The following LHX9 variants were observed in gnomAD, a reference collection of about 807,000 sequenced individuals.
LHX9 encodes the protein LIM homeobox 9.
A neutral mutation model predicts 36.5 loss-of-function variants in LHX9; 9 were observed. The observed-to-expected ratio is 0.25, with a 90% CI of 0.15 to 0.43. The LOEUF (loss-of-function observed/expected upper bound fraction) is 0.43. LHX9 is among the 20% of genes least tolerant of loss of function. LHX9 has a pLI of 1.00. For synonymous variants in LHX9, 211 were observed against 212.1 expected (o/e 0.99, Z 0.04); for missense variants, 464 against 526.4 (o/e 0.88, Z 1.16).
intron 3 of LHX9, 34 bp from the exon 4 acceptor site, chr1:197,927,557 C>T (rs1340029597): frequency 6.4e-7 from 1 of 1,571,994 alleles, no homozygotes. Context: ...AGAATTTCCA[C>T]TGAGCAGTTG....
upstream of LHX9, chr1:197,912,743 G>A: frequency 2.9e-6 from 2 of 696,616 alleles, no homozygotes; most frequent in Admixed American, 2.2e-5. Flanking sequence ...AGAGTCTCCT[G>A]ATAGGACTCC....
At chr1:197,918,265 G>T (rs1460904392) in intron 1 of LHX9, 4 of 716,994 alleles carry the variant, frequency 5.6e-6, no homozygotes, top group African/African-American at 5.2e-5. Context: ...GGGATGGGGG[G>T]TGGTGGCATT....
rs1169853177 is a variant in LHX9 at position 197,932,841 on chromosome 1, A to T, written c.*3582A>T. 1 of 152,210 alleles carries T rather than the reference A, an allele frequency of 6.6e-6. No homozygotes were observed. Among genetic ancestry groups the T allele is most frequent in the East Asian group, 1.9e-4 (1 of 5,190 alleles). 9.4% of individuals were successfully genotyped at this position (152,210 alleles called of 1,614,324 possible). A position where few individuals can be genotyped will look rare whatever the true frequency, so the allele number is the denominator to read the frequency against. On this transcript the variant is annotated 3_prime_UTR_variant, in exon 5 of 5. Transcript: ENST00000367387. ...GTGAACCCAAATTACAACAAAATAA[A>T]CCTTAGAATAAACTATTGTGTAAAA...
rs1187409854 is a variant in LHX9 at position 197,919,983 on chromosome 1, G to A, written c.186G>A (p.Pro62=). The stretch of plus-strand genomic sequence containing the variant: ...TGCTTTCTTTGCAGGGCATGCCCCC[G>A]CTCAGCCCGGAGAAGCCCGCCCTGT... ...QLNGRDAGMP[P]LSPEKPALCA... Residue 62 remains proline (P), a synonymous_variant, in exon 2 of 5, where the codon CCG becomes CCA. Coordinates refer to ENST00000367387, the MANE Select transcript of LHX9 (RefSeq NM_020204.3). 3.7e-6 allele frequency: 6 copies of A among 1,614,082 alleles called. No homozygotes were observed. Among genetic ancestry groups the A allele is most frequent in the Non-Finnish European group, 5.1e-6 (6 of 1,180,042 alleles).
upstream of LHX9, among the ~76,000 whole-genome samples, chr1:197,914,314 C>T (rs1014128236): frequency 2.0e-5 from 3 of 152,150 alleles, no homozygotes; most frequent in Non-Finnish European, 4.4e-5. Flanking sequence ...GCACCTGTCC[C>T]TCAGCTCAGG....
rs573388724 is a variant in LHX9 at position 197,917,994 on chromosome 1, C to T, written c.171C>T (p.Asp57=). The change falls in exon 1 of 5, where the codon GAC becomes GAT. Residue 57 remains aspartate, a synonymous_variant. Coordinates refer to ENST00000367387, the MANE Select transcript of LHX9 (RefSeq NM_020204.3). The stretch of plus-strand genomic sequence containing the variant: ...AAGGCGCCCAGCTCAACGGCCGCGA[C>T]GCGGTAAGGAAGGGCTCCGCCGCGG... The part of the protein sequence containing the change: ...LAKGAQLNGR[D]AGMPPLSPEK... 2.4e-5 allele frequency: 39 copies of T among 1,612,734 alleles called. No homozygotes were observed. The South Asian group carries it at 3.6e-4, about 15-fold the overall frequency.
chr1:197,927,027 G>T (rs941357885), intron 3 of LHX9, among the ~76,000 whole-genome samples: 3 of 152,140 alleles, frequency 2.0e-5, no homozygotes, highest in Admixed American at 2.0e-4. Context: ...AGGAATATGA[G>T]AAAAGGCTAA....
rs1660403128 is a variant in LHX9 at position 197,934,441 on chromosome 1, C to T, written c.*5182C>T. The T allele has an allele frequency of 6.6e-6, 1 of 152,134 alleles. No individual in the cohort carries two copies. The highest frequency in any genetic ancestry group is 1.9e-4 in the East Asian group (1 of 5,180). The allele number at this position is 152,134 out of a possible 1,614,324, so 9.4% of individuals were successfully genotyped here. On this transcript the variant is annotated 3_prime_UTR_variant, in exon 5 of 5. Transcript: ENST00000367387. ...TGTTGTAAAAAATAAATATAAACACCTAATTTTGTATGAAGTTTTGCTATT... is the reference window on the plus strand; with the variant it reads ...TGTTGTAAAAAATAAATATAAACACTTAATTTTGTATGAAGTTTTGCTATT...
At chr1:197,916,462 A>G, upstream of LHX9, 1 of 568,616 alleles carries the variant, frequency 1.8e-6, no homozygotes, top group Non-Finnish European at 3.1e-6. Flanking sequence ...GGCAGGCGCC[A>G]AGCTCCCGGG....
rs1430790808 is a variant in LHX9, at chr1:197,917,448, T to C, written c.-376T>C. On this transcript the variant is annotated 5_prime_UTR_variant, in exon 1 of 5. Coordinates refer to ENST00000367387, the MANE Select transcript of LHX9 (RefSeq NM_020204.3). ...GCTGAAAATAGCACGTCTTTTTCTT[T>C]CTTTGTGTTCAAAACTATTTTCTTT... The C allele has an allele frequency of 7.6e-7, 1 of 1,321,690 alleles. No homozygotes were observed. Among genetic ancestry groups the C allele is most frequent in the Admixed American group, 2.3e-5 (1 of 44,010 alleles). 81.9% of individuals were successfully genotyped at this position (1,321,690 alleles called of 1,614,324 possible). A position where few individuals can be genotyped will look rare whatever the true frequency, so the allele number is the denominator to read the frequency against.
In LHX9 at chr1:197,931,883, CT is replaced by C. The variant is rs1272654978; in HGVS notation, c.*2625del. ...GCAGACCCCTAAAAGCCAAGTTGCT[CT>C]GTAGTTAATAAATTGTCACTATGAT... On this transcript the variant is annotated 3_prime_UTR_variant, in exon 5 of 5. Transcript: ENST00000367387. The C allele has an allele frequency of 7.3e-6, 11 of 1,506,878 alleles. No homozygotes were observed. The highest frequency in any genetic ancestry group is 9.9e-6 in the Non-Finnish European group (11 of 1,108,718). The allele number at this position is 1,506,878 out of a possible 1,614,324, so 93.3% of individuals were successfully genotyped here. A position where few individuals can be genotyped will look rare whatever the true frequency, so the allele number is the denominator to read the frequency against.
upstream of LHX9, chr1:197,915,876 C>T (rs1447682468): frequency 6.6e-6 from 1 of 152,256 alleles, no homozygotes; most frequent in Non-Finnish European, 1.5e-5. Context: ...TCTTCCCTCT[C>T]TCCCTCTCTC....
Position 197,917,565 on chromosome 1 carries a change from CT to C in LHX9, c.-254del. 2 of 1,486,794 alleles carry C rather than the reference CT, an allele frequency of 1.3e-6. No individual in the cohort carries two copies. The highest frequency in any genetic ancestry group is 1.8e-6 in the Non-Finnish European group (2 of 1,108,846). The allele number at this position is 1,486,794 out of a possible 1,614,324, so 92.1% of individuals were successfully genotyped here. A position where few individuals can be genotyped will look rare whatever the true frequency, so the allele number is the denominator to read the frequency against. Reference sequence around the variant, plus strand: ...GCAGTAAGATTCGCCTTCTACGCCTCTTTTTCCCTCCGCCCGAATTGTTTGT... The same window carrying C: ...GCAGTAAGATTCGCCTTCTACGCCTCTTTTCCCTCCGCCCGAATTGTTTGT... On this transcript the variant is annotated 5_prime_UTR_variant, in exon 1 of 5. Transcript: ENST00000367387.
chr1:197,914,291 G>C (rs1659689717), upstream of LHX9, among the ~76,000 whole-genome samples: 1 of 152,148 alleles, frequency 6.6e-6, no homozygotes, highest in Non-Finnish European at 1.5e-5. Context: ...ACGCAGGCTA[G>C]AGAGAACCAC....
chr1:197,929,462 T>G lies in LHX9; in HGVS notation c.*203T>G. 9.3e-7 allele frequency: 1 copy of G among 1,074,740 alleles called. No individual in the cohort carries two copies. 66.6% of individuals were successfully genotyped at this position (1,074,740 alleles called of 1,614,324 possible). ...TATTGTCTCCTTTAAGTGAATATATTTTGTCTACAAAGTGTATTTGGATTT... is the reference window on the plus strand; with the variant it reads ...TATTGTCTCCTTTAAGTGAATATATGTTGTCTACAAAGTGTATTTGGATTT... On this transcript the variant is annotated 3_prime_UTR_variant, in exon 5 of 5. Transcript: ENST00000367387.
upstream of LHX9, chr1:197,912,769 G>C: frequency 1.6e-6 from 1 of 622,976 alleles, no homozygotes; most frequent in Non-Finnish European, 2.9e-6. Flanking sequence ...CCCTCCTTTT[G>C]CCTTTCTCTT....
chr1:197,927,635 C>G lies in LHX9; in HGVS notation c.778C>G (p.Pro260Ala). ...EADHLDRDQQPYPPSQKTKRM... is the reference protein window; with the variant it reads ...EADHLDRDQQAYPPSQKTKRM... ...AGACCACTTGGACCGGGACCAGCAG[C>G]CTTATCCACCCTCGCAGAAGACCAA... The change falls in exon 4 of 5, where the codon CCT (proline) becomes GCT (alanine). Residue 260 changes from proline (P) to alanine (A), a missense_variant. Transcript: ENST00000367387. The G allele has an allele frequency of 1.2e-6, 2 of 1,614,172 alleles. No homozygotes were observed. Among genetic ancestry groups the G allele is most frequent in the Non-Finnish European group, 1.7e-6 (2 of 1,180,030 alleles).
At position 197,932,194 on chromosome 1, in the gene LHX9, A is replaced by G. The variant is rs1461248985; in HGVS notation, c.*2935A>G. 1 of 410,720 alleles carries G rather than the reference A, an allele frequency of 2.4e-6. No homozygotes were observed. Among genetic ancestry groups the G allele is most frequent in the South Asian group, 8.6e-5 (1 of 11,656 alleles). 25.4% of individuals were successfully genotyped at this position (410,720 alleles called of 1,614,324 possible). A position where few individuals can be genotyped will look rare whatever the true frequency, so the allele number is the denominator to read the frequency against. ...AAAATTATGTGGTTTAAACAAAATT[A>G]GATAAACCATGTACAAAACCAGAGC... On this transcript the variant is annotated 3_prime_UTR_variant, in exon 5 of 5. Coordinates refer to ENST00000367387, the MANE Select transcript of LHX9 (RefSeq NM_020204.3).
At chr1:197,912,683 C>G, upstream of LHX9, 1 of 1,048,098 alleles carries the variant, frequency 9.5e-7, no homozygotes, top group Non-Finnish European at 1.5e-6. Context: ...GTGTGTTTGT[C>G]TTAAAAATTA....
Sources: allele counts gnomAD v4.1 joint callset (sites outside exome capture counted in the v4.1 genomes callset), GRCh38; gene constraint gnomAD v4.1.1; transcripts MANE v1.5; gene names NCBI Gene and HGNC (gene_info 2026-07-23, HGNC 2026-07-21).